FAM120B: variants seen among roughly 807,000 people sequenced by gnomAD.
The protein encoded by FAM120B is constitutive coactivator of peroxisome proliferator-activated receptor gamma.
Under a neutral mutation model 96.3 loss-of-function variants are expected in FAM120B, and 83 were observed. The ratio of observed to expected loss-of-function variants is 0.86; its 90% CI spans 0.72 to 1.03. FAM120B has a LOEUF of 1.03. FAM120B is among the 50% of genes least tolerant of loss of function. The probability of loss-of-function intolerance (pLI) is 0.00; values close to 1 mark genes in which losing one functional copy is unlikely to be tolerated. For missense variants in FAM120B, 1,027 were observed against 1,121.2 expected (o/e 0.92, Z 1.20); for synonymous variants, 407 against 402.7 (o/e 1.01, Z -0.13).
intron 1 of FAM120B, among the ~76,000 whole-genome samples, chr6:170,308,210 C>A (rs9356637): frequency 6.6e-6 from 1 of 152,120 alleles, no homozygotes; most frequent in Non-Finnish European, 1.5e-5. Context: ...AGTGTTTCCC[C>A]TGACTTTGCC....
rs916009509 is a variant in FAM120B at position 170,348,283 on chromosome 6, T to C, written c.2150T>C (p.Phe717Ser). 9 of 1,613,642 alleles carry C rather than the reference T, an allele frequency of 5.6e-6. No homozygotes were observed. The highest frequency in any genetic ancestry group is 7.6e-6 in the Non-Finnish European group (9 of 1,179,908). ...REELQAVESP[F>S]QALCCLLIYL... ...GAGCTGCAGGCTGTCGAAAGCCCAT[T>C]TCAAGCTTTGTGCTGCCTCTTGATC... Residue 717 changes from phenylalanine to serine, a missense_variant, in exon 5 of 11, where the codon TTT becomes TCT. Physicochemically the swap from Phe to Ser is radical, Grantham distance 155 (BLOSUM62 -2). This residue lies in a region of FAM120B where 880 missense variants were observed against 980.9 expected (regional missense o/e 0.90). Coordinates refer to ENST00000476287, the MANE Select transcript of FAM120B (RefSeq NM_032448.3).
chr6:170,402,120 G>C (rs1359361517), intron 9 of FAM120B, among the ~76,000 whole-genome samples: 1 of 152,232 alleles, frequency 6.6e-6, no homozygotes, highest in East Asian at 1.9e-4. Flanking sequence ...TCCCAGGATG[G>C]ACCTAAGGAG....
At chr6:170,380,146 A>T (rs2115282402) in intron 6 of FAM120B, among the ~76,000 whole-genome samples, 1 of 151,796 alleles carries the variant, frequency 6.6e-6, no homozygotes, top group South Asian at 2.1e-4. Flanking sequence ...AGTGTTCTGC[A>T]CTTCCATCCG....
At chr6:170,322,860 A>G (rs1479492600) in intron 2 of FAM120B, among the ~76,000 whole-genome samples, 10 of 152,048 alleles carry the variant, frequency 6.6e-5, no homozygotes. Context: ...TAAGACTGGT[A>G]GACGTTTGGA....
intron 6 of FAM120B, among the ~76,000 whole-genome samples, chr6:170,386,992 TA>T (rs768527020): frequency 1.3e-5 from 2 of 152,204 alleles, no homozygotes; most frequent in African/African-American, 2.4e-5. Context: ...TAATGGATGC[TA>T]AAAAAATACT....
At chr6:170,292,326 G>A (rs1783901576), upstream of FAM120B, among the ~76,000 whole-genome samples, 2 of 152,172 alleles carry the variant, frequency 1.3e-5, 1 homozygote, top group South Asian at 4.1e-4. This position sits in a 1 kb window ranked among gnomAD's most constrained non-coding sequence, Gnocchi z 6.6. Flanking sequence ...TCCTAGGCAC[G>A]ATGGAGAAGT....
rs1554286369 is a variant in FAM120B at position 170,361,204 on chromosome 6, A to ACG, written c.2283+2886_2283+2887insCG. ...AAACTATATATATATACGTGTATAT[A>ACG]TATATATATATATATATATATATAT... On this transcript the variant is annotated intron_variant, in intron 6 of 10. Transcript: ENST00000476287. Among the ~76,000 whole-genome samples the ACG allele has an allele frequency of 7.0e-5, 6 of 86,256 alleles. 1 individual carries two copies. The highest frequency in any genetic ancestry group is 2.4e-4 in the Admixed American group (2 of 8,288). 56.6% of individuals were successfully genotyped at this position (86,256 alleles called of 152,430 possible).
At chr6:170,399,814 A>C (rs1778447360) in intron 9 of FAM120B, among the ~76,000 whole-genome samples, 1 of 135,310 alleles carries the variant, frequency 7.4e-6, no homozygotes, top group Non-Finnish European at 1.5e-5. Context: ...ACTATGTCAT[A>C]AGCCTTAGGA....
At chr6:170,315,488 C>T (rs767996466) in intron 1 of FAM120B, among the ~76,000 whole-genome samples, 39 of 152,094 alleles carry the variant, frequency 2.6e-4, no homozygotes, top group African/African-American at 7.2e-5. Flanking sequence ...TTACAGTTGA[C>T]GTAATCACAC....
At chr6:170,364,185 A>C (rs1309468836) in intron 6 of FAM120B, among the ~76,000 whole-genome samples, 1 of 152,160 alleles carries the variant, frequency 6.6e-6, no homozygotes, top group South Asian at 2.1e-4. Context: ...AAAATGCCCA[A>C]CTTCCATATC....
At chr6:170,296,031 G>A (rs1783993432) in intron 1 of FAM120B, among the ~76,000 whole-genome samples, 1 of 152,160 alleles carries the variant, frequency 6.6e-6, no homozygotes, top group African/African-American at 2.4e-5. Flanking sequence ...ATCATCTGCT[G>A]GGGCTGTCCC....
chr6:170,398,159 G>C (rs572643729), intron 9 of FAM120B, among the ~76,000 whole-genome samples: 1 of 152,250 alleles, frequency 6.6e-6, no homozygotes, highest in Non-Finnish European at 1.5e-5. Context: ...CCACTGATGG[G>C]ACTCATCGCC....
intron 4 of FAM120B, among the ~76,000 whole-genome samples, chr6:170,337,863 G>A (rs1052533988): frequency 2.6e-5 from 4 of 152,070 alleles, no homozygotes; most frequent in African/African-American, 4.8e-5. Flanking sequence ...GTTTCTGTGC[G>A]ATCAGTGGTG....
intron 6 of FAM120B, among the ~76,000 whole-genome samples, chr6:170,386,963 A>G (rs1790220456): frequency 6.6e-6 from 1 of 152,238 alleles, no homozygotes; most frequent in South Asian, 2.1e-4. Flanking sequence ...GTAAATAACA[A>G]TGAATAAGAA....
chr6:170,325,351 C>G (rs190187932), intron 3 of FAM120B, among the ~76,000 whole-genome samples: 5 of 152,138 alleles, frequency 3.3e-5, no homozygotes, highest in Non-Finnish European at 5.9e-5. Context: ...GTGTCACAGT[C>G]TCTCTTTTAA....
chr6:170,343,984 G>C (rs1187990477), intron 4 of FAM120B, among the ~76,000 whole-genome samples: 1 of 151,220 alleles, frequency 6.6e-6, no homozygotes, highest in Non-Finnish European at 1.5e-5. Flanking sequence ...GCCCCACCTT[G>C]GAAGAACGGA....
chr6:170,378,598 A>G (rs9348318), intron 6 of FAM120B, among the ~76,000 whole-genome samples: 46,670 of 151,966 alleles, frequency 0.31, 8,109 homozygotes, highest in East Asian at 0.79. Context: ...TGCAGCCTAG[A>G]GGGGGAAGAG....
chr6:170,300,544 A>G (rs1784118834), intron 1 of FAM120B, among the ~76,000 whole-genome samples: 1 of 152,150 alleles, frequency 6.6e-6, no homozygotes, highest in Admixed American at 6.5e-5. Context: ...CGGTCCCCCA[A>G]AGTCTTAACT....
At chr6:170,383,946 GA>G (rs1360611654) in intron 6 of FAM120B, among the ~76,000 whole-genome samples, 1 of 152,216 alleles carries the variant, frequency 6.6e-6, no homozygotes, top group Non-Finnish European at 1.5e-5. Context: ...CAATAAAGAG[GA>G]ATGAGTGGCT....
Sources: gnomAD v4.1 joint callset for allele counts (sites outside exome capture counted in the v4.1 genomes callset) on GRCh38, gnomAD v4.1.1 for gene constraint, gnomAD v4.1.1 regional missense constraint, Gnocchi (gnomAD v3.1) non-coding constraint, MANE v1.5 for transcripts, NCBI Gene and HGNC (gene_info 2026-07-23, HGNC 2026-07-21) for gene names.